The following GALNT10 variants were observed in gnomAD, a reference collection of about 807,000 sequenced individuals.
The protein encoded by GALNT10 is GalNAc transferase 10.
Under a neutral mutation model 75.0 loss-of-function variants are expected in GALNT10, and 41 were observed. The ratio of observed to expected loss-of-function variants is 0.55; its 90% CI spans 0.43 to 0.71. GALNT10 has a LOEUF of 0.71. Among genes scored for constraint, GALNT10 ranks in the 30% least tolerant of loss-of-function variants. The pLI is 0.00. For synonymous variants in GALNT10, 302 were observed against 313.0 expected (o/e 0.96, Z 0.37); for missense variants, 727 against 818.5 (o/e 0.89, Z 1.36).
chr5:154,363,466 A>T (rs1184478932), intron 4 of GALNT10, among the ~76,000 whole-genome samples: 1 of 143,400 alleles, frequency 7.0e-6, no homozygotes, highest in African/African-American at 2.6e-5. Flanking sequence ...GCATATCCTG[A>T]AAGGATTTTG....
At chr5:154,301,457 T>G (rs1754356431) in intron 3 of GALNT10, among the ~76,000 whole-genome samples, 1 of 152,146 alleles carries the variant, frequency 6.6e-6, no homozygotes, top group Non-Finnish European at 1.5e-5. Context: ...TGTTTTGATA[T>G]GGGCATACAA....
intron 1 of GALNT10, among the ~76,000 whole-genome samples, chr5:154,272,132 T>C (rs1753875573): frequency 6.6e-6 from 1 of 152,178 alleles, no homozygotes; most frequent in Non-Finnish European, 1.5e-5. Flanking sequence ...TTAGTGTTCC[T>C]ACCCGCCCTG....
intron 1 of GALNT10, among the ~76,000 whole-genome samples, chr5:154,210,611 T>A (rs552760005): frequency 6.6e-6 from 1 of 152,326 alleles, no homozygotes; most frequent in South Asian, 2.1e-4. Flanking sequence ...ACTGTAAGTG[T>A]TATAGGACAG....
intron 4 of GALNT10, among the ~76,000 whole-genome samples, chr5:154,342,584 T>C (rs1222942251): frequency 6.6e-6 from 1 of 152,180 alleles, no homozygotes; most frequent in African/African-American, 2.4e-5. Context: ...ATTCCAGGCA[T>C]GGCAGGTCAC....
Position 154,416,052 on chromosome 5 carries a change from A to C in GALNT10, c.1653+120A>C. 5.6e-6 allele frequency: 5 copies of C among 891,544 alleles called. No individual in the cohort carries two copies. Among genetic ancestry groups the C allele is most frequent in the Non-Finnish European group, 8.5e-6 (5 of 585,026 alleles). The allele number at this position is 891,544 out of a possible 1,614,324, so 55.2% of individuals were successfully genotyped here. ...TATTCATTTGTGCCACAAACCTACC[A>C]TGCCGGATTTTGTAGTCATTCAAGA... is the stretch of plus-strand genomic sequence containing the variant. On this transcript the variant is annotated intron_variant, in intron 11 of 11. Transcript: ENST00000297107. The surrounding 1 kb of genome is among the most constrained non-coding windows in gnomAD (Gnocchi z 4.5).
chr5:154,202,030 C>CTA (rs1775035273), intron 1 of GALNT10, among the ~76,000 whole-genome samples: 1 of 152,100 alleles, frequency 6.6e-6, no homozygotes, highest in Non-Finnish European at 1.5e-5. Flanking sequence ...ATGTATCTTC[C>CTA]TATTATTGGG....
At chr5:154,379,709 G>T (rs1157612069) in intron 5 of GALNT10, among the ~76,000 whole-genome samples, 1 of 152,186 alleles carries the variant, frequency 6.6e-6, no homozygotes, top group Admixed American at 6.5e-5. Flanking sequence ...GCCTAAAAGG[G>T]ACCATAAGCC....
chr5:154,265,458 A>G (rs1429370826), intron 1 of GALNT10, among the ~76,000 whole-genome samples: 1 of 152,184 alleles, frequency 6.6e-6, no homozygotes, highest in African/African-American at 2.4e-5. Flanking sequence ...CTTTAAACCA[A>G]CTACTGCTTT....
chr5:154,248,307 A>G (rs1290838335), intron 1 of GALNT10, among the ~76,000 whole-genome samples: 1 of 152,242 alleles, frequency 6.6e-6, no homozygotes. Context: ...CTTTGGTATC[A>G]GGATGATGCT....
chr5:154,307,031 A>C (rs1193221064), intron 3 of GALNT10, among the ~76,000 whole-genome samples: 1 of 152,228 alleles, frequency 6.6e-6, no homozygotes, highest in Non-Finnish European at 1.5e-5. Flanking sequence ...GAAGACAAAA[A>C]TTACCAATAT....
At chr5:154,357,725 AT>A (rs1755317983) in intron 4 of GALNT10, among the ~76,000 whole-genome samples, 1 of 152,034 alleles carries the variant, frequency 6.6e-6, no homozygotes, top group Admixed American at 6.5e-5. Flanking sequence ...CCTATGGCCC[AT>A]TTCCCACATA....
intron 1 of GALNT10, among the ~76,000 whole-genome samples, chr5:154,208,928 G>C (rs1482859287): frequency 6.6e-6 from 1 of 152,200 alleles, no homozygotes; most frequent in Non-Finnish European, 1.5e-5. Context: ...GACTTTGTTG[G>C]AGAGGGCACA....
chr5:154,395,940 T>TGCAGG (rs1756008714), intron 7 of GALNT10, among the ~76,000 whole-genome samples: 1 of 152,194 alleles, frequency 6.6e-6, no homozygotes, highest in Non-Finnish European at 1.5e-5. Context: ...CAACATGCCC[T>TGCAGG]GCAGGTGCTT....
intron 7 of GALNT10, among the ~76,000 whole-genome samples, chr5:154,400,984 C>T (rs955080826): frequency 3.3e-5 from 5 of 152,174 alleles, no homozygotes; most frequent in Admixed American, 2.0e-4. Context: ...CATTCAGAGT[C>T]GGCCACCAGG....
intron 1 of GALNT10, among the ~76,000 whole-genome samples, chr5:154,216,379 T>A (rs868244064): frequency 6.6e-6 from 1 of 152,138 alleles, no homozygotes; most frequent in Non-Finnish European, 1.5e-5. Flanking sequence ...CTGTGTTTTT[T>A]AAAAAAATGT....
chr5:154,406,704 G>A (rs953698396), intron 8 of GALNT10, among the ~76,000 whole-genome samples: 2 of 152,212 alleles, frequency 1.3e-5, no homozygotes, highest in African/African-American at 4.8e-5. Context: ...GGCTGAGGCA[G>A]GAGAATGGCT....
At chr5:154,285,525 C>T (rs1388627063) in intron 1 of GALNT10, among the ~76,000 whole-genome samples, 1 of 152,126 alleles carries the variant, frequency 6.6e-6, no homozygotes, top group African/African-American at 2.4e-5. Context: ...TACAGATGAA[C>T]TTCTCACCTG....
rs572695147 is a variant in GALNT10 at position 154,416,999 on chromosome 5, C to T, written c.*27C>T. 1.2e-6 allele frequency: 2 copies of T among 1,609,122 alleles called. No individual in the cohort carries two copies. Among genetic ancestry groups the T allele is most frequent in the African/African-American group, 1.3e-5 (1 of 74,980 alleles). ...CCCTCATGTCCCCTTGGCAGGCCCC[C>T]CAGGGTCTGGCACTCACTGCAGACT... On this transcript the variant is annotated 3_prime_UTR_variant, in exon 12 of 12. Transcript: ENST00000297107. The surrounding 1 kb of genome is among the most constrained non-coding windows in gnomAD (Gnocchi z 4.5).
rs1756514202 is a variant in GALNT10 at position 154,416,498 on chromosome 5, C to CACACAT, written c.1654-311_1654-310insTACACA. Among the ~76,000 whole-genome samples, 3 of 151,476 alleles carry CACACAT rather than the reference C, an allele frequency of 2.0e-5. 1 individual carries two copies. Among genetic ancestry groups the CACACAT allele is most frequent in the African/African-American group, 7.3e-5 (3 of 41,184 alleles). On this transcript the variant is annotated intron_variant, in intron 11 of 11. Transcript: ENST00000297107. This position sits in a 1 kb window ranked among gnomAD's most constrained non-coding sequence, Gnocchi z 4.5. ...AAGCACATACACACACACACACACA[C>CACACAT]ACACACACACACACACACACGATAA...
Sources: gnomAD v4.1 joint callset for allele counts (sites outside exome capture counted in the v4.1 genomes callset) on GRCh38, gnomAD v4.1.1 for gene constraint, Gnocchi (gnomAD v3.1) non-coding constraint, MANE v1.5 for transcripts, NCBI Gene and HGNC (gene_info 2026-07-23, HGNC 2026-07-21) for gene names.